SLIT2: variants seen among roughly 807,000 people sequenced by gnomAD.
The protein encoded by SLIT2 is slit homolog 2 protein.
SLIT2 carries 41 observed loss-of-function variants against 185.7 expected under a neutral mutation model. That is an observed-to-expected ratio of 0.22 (90% CI 0.17 to 0.29). SLIT2 has a LOEUF of 0.29. Ranked by LOEUF, SLIT2 falls within the 10% of genes least tolerant of loss-of-function variation. The probability of loss-of-function intolerance (pLI) is 1.00; values close to 1 mark genes in which losing one functional copy is unlikely to be tolerated. For missense variants in SLIT2, 1,571 were observed against 1,909.0 expected, an observed-to-expected ratio of 0.82 and a Z score of 3.30; for synonymous variants, 693 against 680.2, an observed-to-expected ratio of 1.02 and a Z score of -0.29.
intron 4 of SLIT2, among the ~76,000 whole-genome samples, chr4:20,291,194 G>T (rs1275969745): frequency 6.6e-6 from 1 of 151,992 alleles, no homozygotes; most frequent in African/African-American, 2.4e-5. Flanking sequence ...TGCATGTCTT[G>T]CACTTGTGTG....
At chr4:20,414,427 A>G (rs1164745973) in intron 4 of SLIT2, among the ~76,000 whole-genome samples, 1 of 152,134 alleles carries the variant, frequency 6.6e-6, no homozygotes, top group East Asian at 1.9e-4. Flanking sequence ...TATCTTTTAT[A>G]TTTACCTATA....
At chr4:20,487,928 C>G (rs888994417) in intron 7 of SLIT2, among the ~76,000 whole-genome samples, 49 of 152,246 alleles carry the variant, frequency 3.2e-4, no homozygotes, top group African/African-American at 1.2e-3. Context: ...TTGAACACAT[C>G]AGCTTAAAAG....
intron 33 of SLIT2, among the ~76,000 whole-genome samples, chr4:20,599,541 A>G (rs934530465): frequency 1.3e-5 from 2 of 152,186 alleles, no homozygotes; most frequent in Non-Finnish European, 2.9e-5. Flanking sequence ...GATGTTGGCA[A>G]TATAAAAGAA....
At chr4:20,406,553 C>A (rs1726791303) in intron 4 of SLIT2, among the ~76,000 whole-genome samples, 1 of 143,780 alleles carries the variant, frequency 7.0e-6, no homozygotes, top group Non-Finnish European at 1.5e-5. Flanking sequence ...TTAAAAAGTG[C>A]TCAACATTAT....
intron 34 of SLIT2, among the ~76,000 whole-genome samples, chr4:20,614,153 A>G (rs980782556): frequency 1.3e-5 from 2 of 152,114 alleles, no homozygotes; most frequent in Admixed American, 6.5e-5. Context: ...GATTACATGC[A>G]TGAGCCACTG....
intron 9 of SLIT2, among the ~76,000 whole-genome samples, chr4:20,492,325 G>C (rs1052818340): frequency 1.3e-4 from 20 of 152,192 alleles, no homozygotes; most frequent in African/African-American, 4.8e-4. Context: ...CAGTTTCACT[G>C]TTTTGTTTGA....
intron 4 of SLIT2, among the ~76,000 whole-genome samples, chr4:20,312,370 AT>A (rs1374453433): frequency 2.6e-5 from 4 of 152,206 alleles, no homozygotes; most frequent in Non-Finnish European, 5.9e-5. Context: ...AGAACAGATT[AT>A]TTTAGATTAT....
At chr4:20,372,298 A>T (rs1349543428) in intron 4 of SLIT2, among the ~76,000 whole-genome samples, 1 of 152,080 alleles carries the variant, frequency 6.6e-6, no homozygotes. Context: ...CATGGCTTCA[A>T]AACTAGTTTT....
intron 4 of SLIT2, among the ~76,000 whole-genome samples, chr4:20,300,426 A>G (rs73803863): frequency 0.063 from 9,639 of 152,224 alleles, 590 homozygotes; most frequent in African/African-American, 0.16. Flanking sequence ...ATGGAATTAT[A>G]TGTGCAAGAA....
intron 21 of SLIT2, among the ~76,000 whole-genome samples, chr4:20,544,223 G>A (rs1723064321): frequency 6.6e-6 from 1 of 151,978 alleles, no homozygotes; most frequent in African/African-American, 2.4e-5. Context: ...AATAAAAAAA[G>A]AATATTCTGT....
intron 4 of SLIT2, among the ~76,000 whole-genome samples, chr4:20,360,542 C>T (rs753307182): frequency 6.6e-5 from 10 of 152,064 alleles, no homozygotes; most frequent in Non-Finnish European, 1.3e-4. Flanking sequence ...TCATTTTATA[C>T]TTTACAGGAA....
rs1446517231 is a variant in SLIT2, at chr4:20,406,369, G to GA, written c.396-61381dup. On this transcript the variant is annotated intron_variant, in intron 4 of 36. Transcript: ENST00000504154. ...TACTATTTCCTGAATAGGAGTGGGAGAAGGGATTTGTAATATATGTAACCA... is the reference window on the plus strand; with the variant it reads ...TACTATTTCCTGAATAGGAGTGGGAGAAAGGGATTTGTAATATATGTAACCA... Among the ~76,000 whole-genome samples, 3 of 143,700 alleles carry GA rather than the reference G, an allele frequency of 2.1e-5. 1 individual carries two copies. The highest frequency in any genetic ancestry group is 4.7e-5 in the Non-Finnish European group (3 of 64,476). The allele number at this position is 143,700 out of a possible 152,430, so 94.3% of individuals were successfully genotyped here.
chr4:20,470,223 T>A (rs923338530), intron 5 of SLIT2, among the ~76,000 whole-genome samples: 2 of 152,058 alleles, frequency 1.3e-5, no homozygotes, highest in Non-Finnish European at 2.9e-5. Context: ...AAAAAATGCA[T>A]CATAAGGGGA....
intron 4 of SLIT2, among the ~76,000 whole-genome samples, chr4:20,329,115 A>G (rs1719849965): frequency 6.6e-6 from 1 of 151,992 alleles, no homozygotes; most frequent in Non-Finnish European, 1.5e-5. Flanking sequence ...GCAAGTAGTT[A>G]AGGCTGGGGA....
intron 4 of SLIT2, among the ~76,000 whole-genome samples, chr4:20,280,726 T>C (rs1714666936): frequency 6.6e-6 from 1 of 152,166 alleles, no homozygotes; most frequent in Admixed American, 6.6e-5. Context: ...AATTAGATAA[T>C]TAGGTTGTGG....
chr4:20,607,179 AAAAAT>A (rs1728856023), intron 33 of SLIT2, among the ~76,000 whole-genome samples: 1 of 152,206 alleles, frequency 6.6e-6, no homozygotes, highest in African/African-American at 2.4e-5. Flanking sequence ...TAAAAGGAAG[AAAAAT>A]CACCTAAGGT....
intron 34 of SLIT2, among the ~76,000 whole-genome samples, chr4:20,611,407 C>T (rs1164611330): frequency 6.6e-6 from 1 of 152,108 alleles, no homozygotes; most frequent in Non-Finnish European, 1.5e-5. Context: ...ATACTAGGAA[C>T]TAAGTAAATG....
chr4:20,596,638 A>G lies in SLIT2; in HGVS notation c.3544A>G (p.Thr1182Ala), dbSNP rs764703782. The G allele has an allele frequency of 1.2e-6, 2 of 1,613,100 alleles. No individual in the cohort carries two copies. Among genetic ancestry groups the G allele is most frequent in the Non-Finnish European group, 1.7e-6 (2 of 1,179,798 alleles). The change falls in exon 32 of 37, where the codon ACG (threonine) becomes GCG (alanine). Residue 1182 changes from threonine to alanine, a missense_variant. This residue lies in a region of SLIT2 where 146 missense variants were observed against 247.4 expected (regional missense o/e 0.59). Transcript: ENST00000504154. ...TCCTTCAGCCAAGGTTCGGCCTCAG[A>G]CGAACATAACACTTCAGGTAAGAGA... ...QIPSAKVRPQ[T>A]NITLQIATDE...
intron 4 of SLIT2, among the ~76,000 whole-genome samples, chr4:20,420,058 A>T (rs1049646788): frequency 5.9e-5 from 9 of 152,100 alleles, no homozygotes; most frequent in African/African-American, 2.4e-5. Context: ...TTGAACAATA[A>T]ATGATAACCA....
Sources: allele counts gnomAD v4.1 joint callset (sites outside exome capture counted in the v4.1 genomes callset), GRCh38; gene constraint gnomAD v4.1.1; regional missense constraint gnomAD v4.1.1; transcripts MANE v1.5; gene names NCBI Gene and HGNC (gene_info 2026-07-23, HGNC 2026-07-21).